POMT2: variants seen among roughly 807,000 people sequenced by gnomAD.
POMT2 encodes protein O-mannosyl-transferase 2.
POMT2 carries 75 observed loss-of-function variants against 100.0 expected under a neutral mutation model. The ratio of observed to expected loss-of-function variants is 0.75; its 90% CI spans 0.62 to 0.91. POMT2 has a LOEUF of 0.91. Among genes scored for constraint, POMT2 ranks in the 40% least tolerant of loss-of-function variants. The pLI is 0.00. For missense variants in POMT2, 940 were observed against 955.1 expected, an observed-to-expected ratio of 0.98 and a Z score of 0.21; for synonymous variants, 378 against 374.1, an observed-to-expected ratio of 1.01 and a Z score of -0.12.
At chr14:77,300,883 C>A in intron 6 of POMT2, 1 of 678,472 alleles carries the variant, frequency 1.5e-6, no homozygotes, top group Non-Finnish European at 2.4e-6. Flanking sequence ...GAATGTTAAT[C>A]TATCCTCTCC....
chr14:77,300,382 T>A (rs1007149956), intron 6 of POMT2: 4 of 154,828 alleles, frequency 2.6e-5, no homozygotes, highest in African/African-American at 4.8e-5. Flanking sequence ...CCCTACCTCA[T>A]AGGACTATTA....
In POMT2 at chr14:77,320,502, C is replaced by T; in HGVS notation, c.180G>A (p.Leu60=). 1.3e-6 allele frequency: 2 copies of T among 1,547,012 alleles called. No homozygotes were observed. The highest frequency in any genetic ancestry group is 8.7e-7 in the Non-Finnish European group (1 of 1,149,606). The stretch of plus-strand genomic sequence containing the variant: ...AGGACAGCAGCGTCACCAAGGCCAG[C>T]AGGGCCCACCAGCCGACCGCCTCGA... ...RRFEAVGWWA[L]LALVTLLSFA... Residue 60 remains leucine (L), a synonymous_variant, in exon 1 of 21, where the codon CTG becomes CTA. Transcript: ENST00000261534.
intron 15 of POMT2, among the ~76,000 whole-genome samples, chr14:77,281,095 AAAATAAAT>A (rs145830278): frequency 0.14 from 19,947 of 144,586 alleles, 1,589 homozygotes; most frequent in African/African-American, 0.22. Context: ...ACTCAGTCTC[AAAATAAAT>A]AAATAAATAA....
At chr14:77,280,582 C>A in intron 15 of POMT2, 119 bp from the exon 16 acceptor site, 2 of 1,560,494 alleles carry the variant, frequency 1.3e-6, no homozygotes, top group East Asian at 2.3e-5. Flanking sequence ...CTCTCCTTCC[C>A]TTCCCTTGCA....
At chr14:77,318,896 C>T (rs1339292290) in intron 1 of POMT2, among the ~76,000 whole-genome samples, 2 of 152,108 alleles carry the variant, frequency 1.3e-5, no homozygotes, top group East Asian at 1.9e-4. Flanking sequence ...CCATCATGCC[C>T]GGCTAAGTCT....
chr14:77,290,702 T>C (rs545965456), intron 10 of POMT2, among the ~76,000 whole-genome samples: 2 of 152,362 alleles, frequency 1.3e-5, no homozygotes, highest in South Asian at 4.1e-4. Flanking sequence ...GCTCTTGCTC[T>C]GTCATAAAGC....
chr14:77,299,310 C>G (rs1269646061), intron 7 of POMT2, 145 bp downstream of exon 7: 7 of 739,640 alleles, frequency 9.5e-6, no homozygotes, highest in African/African-American at 8.6e-5. Context: ...AAGGATAGAA[C>G]ATAGCAGGAA....
chr14:77,281,111 TAAATAAATAAATA>T (rs1189374483), intron 15 of POMT2, among the ~76,000 whole-genome samples: 70 of 71,414 alleles, frequency 9.8e-4, no homozygotes, highest in Non-Finnish European at 1.4e-3. Flanking sequence ...AATAAATAAA[TAAATAAATAAATA>T]AATAAATAAA....
At chr14:77,280,365 G>A (rs1890173122) in intron 16 of POMT2, 27 bp downstream of exon 16, 4 of 1,613,478 alleles carry the variant, frequency 2.5e-6, no homozygotes, top group East Asian at 2.2e-5. Flanking sequence ...TCCATTTCCT[G>A]GGAGGAGCCC....
intron 7 of POMT2, 74 bp from the exon 8 acceptor site, chr14:77,298,845 G>A: frequency 7.5e-7 from 1 of 1,328,100 alleles, no homozygotes; most frequent in East Asian, 2.5e-5. Flanking sequence ...GCGCTGGGAA[G>A]AGCTCTGCTC....
In POMT2 at chr14:77,282,211, C is replaced by T. The variant is rs1056452797; in HGVS notation, c.1653+1586G>A. 1.6e-4 allele frequency among the ~76,000 whole-genome samples: 24 copies of T among 152,338 alleles called. No individual in the cohort carries two copies. The East Asian group carries it at 1.7e-3, about 11-fold the overall frequency. ...CAAGCCAAGGGAATCTTATTCACTA[C>T]ATTAAACTCTGAGAAATCCTGCTCT... On this transcript the variant is annotated intron_variant, in intron 15 of 20. Transcript: ENST00000261534.
chr14:77,279,865 C>T lies in POMT2; in HGVS notation c.1849G>A (p.Val617Ile). Residue 617 changes from valine (V) to isoleucine (I), a missense_variant, in exon 18 of 21, where the codon GTA becomes ATA. Transcript: ENST00000261534. ...AGCCGTGCCCCTCTCTGCATGGCTA[C>T]AGCAATGATGCTCCCTGAGAGGAGG... Reference protein sequence around the residue: ...LYLLSGSIIAVAMQRGARLPA... With the variant: ...LYLLSGSIIAIAMQRGARLPA... The T allele has an allele frequency of 3.1e-6, 5 of 1,614,006 alleles. No individual in the cohort carries two copies. The highest frequency in any genetic ancestry group is 3.4e-6 in the Non-Finnish European group (4 of 1,180,010).
intron 18 of POMT2, chr14:77,279,479 A>G (rs1566643340): frequency 2.0e-6 from 1 of 492,034 alleles, no homozygotes; most frequent in Non-Finnish European, 4.0e-6. Context: ...GCATGGGGCT[A>G]AAAGTGAGGG....
chr14:77,275,915 G>C lies in POMT2; in HGVS notation c.*1461C>G, dbSNP rs1889927352. The C allele has an allele frequency of 6.6e-6, 1 of 152,638 alleles. No homozygotes were observed. The highest frequency in any genetic ancestry group is 2.4e-5 in the African/African-American group (1 of 41,448). 9.5% of individuals were successfully genotyped at this position (152,638 alleles called of 1,614,324 possible). A position where few individuals can be genotyped will look rare whatever the true frequency, so the allele number is the denominator to read the frequency against. ...AAGCTTCCCTCCCCACCACCCAGTA[G>C]GTAGCACAGCCTGTCCCTGGGACCA... On this transcript the variant is annotated 3_prime_UTR_variant, in exon 21 of 21. Coordinates refer to ENST00000261534, the MANE Select transcript of POMT2 (RefSeq NM_013382.7).
At chr14:77,280,809 C>T (rs894703977) in intron 15 of POMT2, among the ~76,000 whole-genome samples, 6 of 152,284 alleles carry the variant, frequency 3.9e-5, no homozygotes, top group Middle Eastern at 3.4e-3. Flanking sequence ...ATGAGGCTTA[C>T]AGCCGGGTGC....
chr14:77,284,001 A>G lies in POMT2; in HGVS notation c.1577-128T>C, dbSNP rs1363847109. 2.1e-5 allele frequency: 17 copies of G among 809,888 alleles called. No homozygotes were observed. The East Asian group carries it at 4.2e-4, about 20-fold the overall frequency. The allele number at this position is 809,888 out of a possible 1,614,324, so 50.2% of individuals were successfully genotyped here. On this transcript the variant is annotated intron_variant, in intron 14 of 20. Transcript: ENST00000261534. ...ACAAGTTCACAACTGTTGAGGAGAC[A>G]GAAGAAAGCTTGGCCCAATTCTTGA...
At chr14:77,293,690 G>C (rs1890723023) in intron 9 of POMT2, among the ~76,000 whole-genome samples, 1 of 152,144 alleles carries the variant, frequency 6.6e-6, no homozygotes, top group Non-Finnish European at 1.5e-5. Flanking sequence ...AGGATGAAAG[G>C]CTAAAAGATC....
intron 1 of POMT2, among the ~76,000 whole-genome samples, chr14:77,314,487 G>A (rs1891556865): frequency 6.6e-6 from 1 of 152,208 alleles, no homozygotes; most frequent in Non-Finnish European, 1.5e-5. Flanking sequence ...AGTAGGCTAA[G>A]ATAAAATCAC....
intron 15 of POMT2, among the ~76,000 whole-genome samples, chr14:77,281,975 G>A (rs1191027026): frequency 3.9e-5 from 6 of 152,208 alleles, no homozygotes; most frequent in Admixed American, 2.6e-4. Flanking sequence ...TCTACATGGT[G>A]GAGAGGTTGT....
Sources: allele counts gnomAD v4.1 joint callset (sites outside exome capture counted in the v4.1 genomes callset), GRCh38; gene constraint gnomAD v4.1.1; transcripts MANE v1.5; gene names NCBI Gene and HGNC (gene_info 2026-07-23, HGNC 2026-07-21).